CELF2: variants seen among roughly 807,000 people sequenced by gnomAD.
CELF2 encodes CUG triplet repeat RNA-binding protein 2.
Under a neutral mutation model 62.6 loss-of-function variants are expected in CELF2, and 8 were observed. That is an observed-to-expected ratio of 0.13 (90% confidence interval 0.07 to 0.23). The LOEUF is 0.23. CELF2 is among the 10% of genes least tolerant of loss of function. The pLI is 1.00. For missense variants in CELF2, 333 were observed against 671.0 expected (o/e 0.50, Z 5.56); for synonymous variants, 258 against 250.0 (o/e 1.03, Z -0.30).
At chr10:10,976,298 G>A (rs1253069679) in intron 2 of CELF2, among the ~76,000 whole-genome samples, 1 of 152,210 alleles carries the variant, frequency 6.6e-6, no homozygotes, top group African/African-American at 2.4e-5. Flanking sequence ...TATATTCAAT[G>A]ACATTGCCAA....
At chr10:10,481,274 T>A in the CELF2 span, among the ~76,000 whole-genome samples, 1 of 152,206 alleles carries the variant, frequency 6.6e-6, no homozygotes, top group Non-Finnish European at 1.5e-5. Flanking sequence ...TCATGTTTAT[T>A]TGCATGCTTA....
intron 9 of CELF2, among the ~76,000 whole-genome samples, chr10:11,310,571 T>C (rs1408610287): frequency 3.3e-5 from 5 of 152,176 alleles, no homozygotes; most frequent in African/African-American, 4.8e-5. Flanking sequence ...GATATCCTTA[T>C]TTTAGAAGTA....
At chr10:11,160,376 TTCCTGGCCCCA>T (rs1343333929) in intron 1 of CELF2, among the ~76,000 whole-genome samples, 1 of 152,170 alleles carries the variant, frequency 6.6e-6, no homozygotes, top group Non-Finnish European at 1.5e-5. Flanking sequence ...TGATGGGGCT[TTCCTGGCCCCA>T]TATTCTTGTG....
At chr10:10,940,376 A>G (rs1215575499) in intron 2 of CELF2, among the ~76,000 whole-genome samples, 2 of 152,200 alleles carry the variant, frequency 1.3e-5, no homozygotes, top group East Asian at 1.9e-4. Context: ...AATCCCTGCT[A>G]AGTCCCACAA....
the CELF2 span, among the ~76,000 whole-genome samples, chr10:10,567,078 A>C: frequency 6.6e-6 from 1 of 152,220 alleles, no homozygotes; most frequent in Non-Finnish European, 1.5e-5. Flanking sequence ...GTGTTCATTT[A>C]AGAAAAGACA....
the CELF2 span, among the ~76,000 whole-genome samples, chr10:10,782,590 A>G: frequency 6.1e-4 from 93 of 152,332 alleles, no homozygotes; most frequent in African/African-American, 2.2e-3. Flanking sequence ...TCTAGTTAAC[A>G]CAAAATCAAC....
the CELF2 span, among the ~76,000 whole-genome samples, chr10:10,596,466 C>T: frequency 4.6e-5 from 7 of 152,194 alleles, no homozygotes; most frequent in Non-Finnish European, 7.3e-5. Flanking sequence ...CTTGGATCTG[C>T]TTTGCCATGG....
At chr10:11,208,737 G>T (rs1287468403) in intron 2 of CELF2, among the ~76,000 whole-genome samples, 2 of 152,186 alleles carry the variant, frequency 1.3e-5, no homozygotes, top group Non-Finnish European at 2.9e-5. Flanking sequence ...TCTGGTTTCT[G>T]TGACCTGCTA....
At chr10:10,670,959 G>C in the CELF2 span, among the ~76,000 whole-genome samples, 1 of 152,048 alleles carries the variant, frequency 6.6e-6, no homozygotes, top group African/African-American at 2.4e-5. Flanking sequence ...CTTGAGCCCA[G>C]AGTTTGAGAC....
chr10:11,050,049 G>A (rs1054178083), intron 1 of CELF2, among the ~76,000 whole-genome samples: 1 of 152,192 alleles, frequency 6.6e-6, no homozygotes, highest in African/African-American at 2.4e-5. Flanking sequence ...CAGTATTTAT[G>A]ATAAATAGTT....
the CELF2 span, among the ~76,000 whole-genome samples, chr10:10,740,687 G>A: frequency 2.0e-5 from 3 of 152,136 alleles, no homozygotes; most frequent in Non-Finnish European, 4.4e-5. Flanking sequence ...GCCCATTGTT[G>A]AATAAATGGA....
chr10:10,551,839 C>T, the CELF2 span, among the ~76,000 whole-genome samples: 1 of 152,132 alleles, frequency 6.6e-6, no homozygotes, highest in Non-Finnish European at 1.5e-5. Flanking sequence ...CTTCCTCTGT[C>T]ATCCAGCTCA....
At chr10:10,533,806 C>T in the CELF2 span, among the ~76,000 whole-genome samples, 132 of 152,212 alleles carry the variant, frequency 8.7e-4, 1 homozygote, top group East Asian at 0.012. Flanking sequence ...AAAAGATTGA[C>T]GGCAAGTAGT....
At chr10:10,694,320 T>G in the CELF2 span, among the ~76,000 whole-genome samples, 1 of 151,312 alleles carries the variant, frequency 6.6e-6, no homozygotes, top group South Asian at 2.1e-4. Flanking sequence ...AGTTGAGCGG[T>G]TTTGAGTGAG....
intron 2 of CELF2, among the ~76,000 whole-genome samples, chr10:10,982,279 C>T (rs1350590315): frequency 6.6e-6 from 1 of 151,976 alleles, no homozygotes; most frequent in African/African-American, 2.4e-5. Context: ...CTTCCTGAGG[C>T]CCATACAATC....
intron 2 of CELF2, among the ~76,000 whole-genome samples, chr10:10,930,380 G>C (rs1412969354): frequency 6.6e-6 from 1 of 151,982 alleles, no homozygotes; most frequent in Admixed American, 6.6e-5. Context: ...TTTCCTTTTA[G>C]ATTTTCCTTA....
In CELF2 at chr10:11,018,145, T is replaced by C. The variant is rs2057596012; in HGVS notation, c.56T>C (p.Leu19Pro). The change falls in exon 1 of 13, where the codon CTG (leucine) becomes CCG (proline). Residue 19 changes from leucine to proline, a missense_variant. By Grantham distance (98) the Leu-to-Pro change is moderately conservative (BLOSUM62 -3). Transcript: ENST00000633077. ...FLPDMMVEGR[L>P]LVPDRINGTA... is the part of the protein sequence containing the mutation. ...CCGGACATGATGGTCGAGGGCCGCC[T>C]GCTCGTTCCTGACAGAATGTGAGTG... 1.3e-6 allele frequency: 2 copies of C among 1,522,060 alleles called. No homozygotes were observed. The highest frequency in any genetic ancestry group is 2.0e-5 in the Admixed American group (1 of 49,662). 94.3% of individuals were successfully genotyped at this position (1,522,060 alleles called of 1,614,324 possible).
Position 11,117,903 on chromosome 10 carries a change from A to G in CELF2, c.75-47583A>G. ...GCCTTTTTCTGCGCTATCCTTTTAT[A>G]CATTTTTTATAAGGCAGAATGCTTT... On this transcript the variant is annotated intron_variant, in intron 1 of 12. Transcript: ENST00000633077. The surrounding 1 kb of genome is among the most constrained non-coding windows in gnomAD (Gnocchi z 4.1). 6.6e-6 allele frequency among the ~76,000 whole-genome samples: 1 copy of G among 152,062 alleles called. No homozygotes were observed. The highest frequency in any genetic ancestry group is 1.9e-4 in the East Asian group (1 of 5,182).
chr10:10,598,821 T>G, the CELF2 span, among the ~76,000 whole-genome samples: 2 of 140,490 alleles, frequency 1.4e-5, no homozygotes, highest in South Asian at 2.6e-4. Context: ...GTGCGGGATC[T>G]CGGCTCACTG....
Sources: gnomAD v4.1 joint callset for allele counts (sites outside exome capture counted in the v4.1 genomes callset) on GRCh38, gnomAD v4.1.1 for gene constraint, Gnocchi (gnomAD v3.1) non-coding constraint, MANE v1.5 for transcripts, NCBI Gene and HGNC (gene_info 2026-07-23, HGNC 2026-07-21) for gene names.